CHRNA5: variants seen among roughly 807,000 people sequenced by gnomAD.
The protein encoded by CHRNA5 is neuronal acetylcholine receptor subunit alpha-5.
CHRNA5 carries 28 observed loss-of-function variants against 41.2 expected under a neutral mutation model. That is an observed-to-expected ratio of 0.68 (90% CI 0.50 to 0.93). The LOEUF (loss-of-function observed/expected upper bound fraction) is 0.93. Ranked by LOEUF, CHRNA5 falls within the 40% of genes least tolerant of loss-of-function variation. The pLI, the probability that CHRNA5 is intolerant of heterozygous loss-of-function variation, is 0.00. For synonymous variants in CHRNA5, 188 were observed against 205.8 expected, an observed-to-expected ratio of 0.91 and a Z score of 0.74; for missense variants, 481 against 581.9, an observed-to-expected ratio of 0.83 and a Z score of 1.78.
intron 1 of CHRNA5, among the ~76,000 whole-genome samples, chr15:78,575,822 G>A (rs1417265204): frequency 1.3e-5 from 2 of 152,074 alleles, no homozygotes; most frequent in African/African-American, 2.4e-5. Flanking sequence ...CTATCTTTTT[G>A]GTTATAGCCA....
chr15:78,580,892 G>T, exon 2 of CHRNA5: 1 of 1,613,940 alleles, frequency 6.2e-7, no homozygotes, highest in Non-Finnish European at 8.5e-7. Context: ...AGATGGGTTC[G>T]TCCTGTGGAA....
At position 78,588,232 on chromosome 15, in the gene CHRNA5, C is replaced by A; in HGVS notation, c.304-82C>A. On this transcript the variant is annotated intron_variant, in intron 3 of 5. Transcript: ENST00000299565. This position sits in a 1 kb window ranked among gnomAD's most constrained non-coding sequence, Gnocchi z 4.1. ...AGAGATGATCTCATGTCTAAAATTT[C>A]TGGTGTGACAAAAAAGTATGGTATT... 1 of 670,154 alleles carries A rather than the reference C, an allele frequency of 1.5e-6. No individual in the cohort carries two copies. The highest frequency in any genetic ancestry group is 2.7e-5 in the Admixed American group (1 of 36,478). 41.5% of individuals were successfully genotyped at this position (670,154 alleles called of 1,614,324 possible).
intron 1 of CHRNA5, 150 bp from the exon 2 acceptor site, chr15:78,580,661 G>A (rs1314120403): frequency 4.4e-6 from 2 of 451,734 alleles, no homozygotes; most frequent in Admixed American, 4.0e-5. Flanking sequence ...TTTTGAGACA[G>A]AGTCTCTCTC....
intron 2 of CHRNA5, among the ~76,000 whole-genome samples, chr15:78,586,134 A>G (rs2052959328): frequency 6.6e-6 from 1 of 152,190 alleles, no homozygotes; most frequent in Non-Finnish European, 1.5e-5. Flanking sequence ...AGGGAAATTC[A>G]GATTCTTCCC....
In CHRNA5 at chr15:78,568,539, A is replaced by G. The variant is rs371850461; in HGVS notation, c.106+2714A>G. Among the ~76,000 whole-genome samples, 7 of 151,996 alleles carry G rather than the reference A, an allele frequency of 4.6e-5. No homozygotes were observed. In the East Asian group the frequency reaches 7.7e-4, roughly 17 times the overall value. ...CTGCAGGTTTGTTACATAGGTATAC[A>G]TGTGCCATGGTGGTTTGCTACACCT... On this transcript the variant is annotated intron_variant, in intron 1 of 5. Transcript: ENST00000299565.
At chr15:78,575,766 T>G (rs1410228011) in intron 1 of CHRNA5, among the ~76,000 whole-genome samples, 2 of 152,258 alleles carry the variant, frequency 1.3e-5, no homozygotes, top group Non-Finnish European at 2.9e-5. Context: ...TTTTAATACC[T>G]GTGTCACAGA....
chr15:78,573,213 A>G (rs1478721448), intron 1 of CHRNA5, among the ~76,000 whole-genome samples: 1 of 152,200 alleles, frequency 6.6e-6, no homozygotes, highest in Non-Finnish European at 1.5e-5. Flanking sequence ...TACAGGGCAC[A>G]GGACAGCCCT....
intron 2 of CHRNA5, among the ~76,000 whole-genome samples, chr15:78,581,509 AG>A (rs2052913043): frequency 1.3e-5 from 2 of 152,200 alleles, no homozygotes; most frequent in South Asian, 4.1e-4. Flanking sequence ...TTTTTAAACT[AG>A]TTTCTTCTTG....
chr15:78,590,665 T>A (rs776789728), intron 5 of CHRNA5, 29 bp downstream of exon 5: 1 of 1,546,492 alleles, frequency 6.5e-7, no homozygotes. Context: ...CAAATGCAGA[T>A]CTTCTTCCAT....
intron 1 of CHRNA5, among the ~76,000 whole-genome samples, chr15:78,567,183 G>A (rs1302174258): frequency 6.6e-6 from 1 of 151,728 alleles, no homozygotes; most frequent in East Asian, 1.9e-4. Flanking sequence ...AACCCGAGAG[G>A]CGGAGGTTAC....
chr15:78,585,702 T>G (rs897060044), intron 2 of CHRNA5, among the ~76,000 whole-genome samples: 1 of 152,112 alleles, frequency 6.6e-6, no homozygotes, highest in African/African-American at 2.4e-5. Context: ...GACCTCCAGT[T>G]CTCTACAAAA....
At chr15:78,571,004 T>C (rs1225919409) in intron 1 of CHRNA5, among the ~76,000 whole-genome samples, 2 of 152,222 alleles carry the variant, frequency 1.3e-5, no homozygotes, top group Non-Finnish European at 2.9e-5. Context: ...ACCACTTCTC[T>C]AGGTCTTGTT....
At chr15:78,570,563 C>A (rs2052795195) in intron 1 of CHRNA5, among the ~76,000 whole-genome samples, 1 of 151,764 alleles carries the variant, frequency 6.6e-6, no homozygotes, top group Admixed American at 6.6e-5. Flanking sequence ...AGCCACCACG[C>A]CCGGCCCCTC....
Position 78,586,164 on chromosome 15 carries a change from G to GTC in CHRNA5, c.259-480_259-479insCT, listed in dbSNP as rs534408964. 7.2e-5 allele frequency among the ~76,000 whole-genome samples: 11 copies of GTC among 152,268 alleles called. No individual in the cohort carries two copies. The South Asian group carries it at 2.3e-3, about 32-fold the overall frequency. On this transcript the variant is annotated intron_variant, in intron 2 of 5. Transcript: ENST00000299565. ...CTTCCCTCAGCAGAGGCAAATGACT[G>GTC]TAAGAGATGTCCCTCAGGGATGTAC...
chr15:78,586,558 T>C, intron 2 of CHRNA5, 87 bp from the exon 3 acceptor site: 1 of 795,768 alleles, frequency 1.3e-6, no homozygotes, highest in South Asian at 1.8e-5. Flanking sequence ...AAGAAGAGTG[T>C]TTATATAACA....
At chr15:78,586,209 G>A (rs2052960097) in intron 2 of CHRNA5, among the ~76,000 whole-genome samples, 2 of 152,150 alleles carry the variant, frequency 1.3e-5, no homozygotes, top group South Asian at 2.1e-4. Context: ...GTATCTCACT[G>A]ATTCTAAGAA....
At chr15:78,573,944 G>T (rs1188749502) in intron 1 of CHRNA5, among the ~76,000 whole-genome samples, 1 of 146,114 alleles carries the variant, frequency 6.8e-6, no homozygotes, top group African/African-American at 2.5e-5. Context: ...CTACAGGCGT[G>T]CACCACCACG....
intron 1 of CHRNA5, among the ~76,000 whole-genome samples, chr15:78,572,056 TA>T (rs1349760324): frequency 6.6e-6 from 1 of 152,156 alleles, no homozygotes; most frequent in Non-Finnish European, 1.5e-5. Context: ...AGGGGTAGAT[TA>T]ACTGCTCCAG....
intron 1 of CHRNA5, among the ~76,000 whole-genome samples, chr15:78,569,675 C>T (rs147319757): frequency 6.6e-6 from 1 of 151,986 alleles, no homozygotes; most frequent in African/African-American, 2.4e-5. Context: ...CCTCATGACC[C>T]GCCCGCCTCG....
Sources: allele counts gnomAD v4.1 joint callset (sites outside exome capture counted in the v4.1 genomes callset), GRCh38; gene constraint gnomAD v4.1.1; non-coding constraint Gnocchi (gnomAD v3.1); transcripts MANE v1.5; gene names NCBI Gene and HGNC (gene_info 2026-07-23, HGNC 2026-07-21).